The following PTPRM variants were observed in gnomAD, a reference collection of about 807,000 sequenced individuals.
PTPRM encodes the protein protein tyrosine phosphatase receptor type M.
Under a neutral mutation model 186.7 loss-of-function variants are expected in PTPRM, and 47 were observed. The observed-to-expected ratio is 0.25, with a 90% CI of 0.20 to 0.32. The LOEUF (loss-of-function observed/expected upper bound fraction) is 0.32, where lower values mean the gene tolerates loss of function less well. Ranked by LOEUF, PTPRM falls within the 10% of genes least tolerant of loss-of-function variation. The pLI, the probability that PTPRM is intolerant of heterozygous loss-of-function variation, is 1.00. For missense variants in PTPRM, 1,494 were observed against 1,865.0 expected (o/e 0.80, Z 3.66); for synonymous variants, 668 against 674.9 (o/e 0.99, Z 0.16).
Position 8,348,463 on chromosome 18 carries a change from G to A in PTPRM, c.3054+4943G>A, listed in dbSNP as rs1015207017. On this transcript the variant is annotated intron_variant, in intron 23 of 32. Transcript: ENST00000580170. ...CACCATGCCTCCCCTTTTAGCCCACGTGTTCTGGGAAGAGACCCTTGTCAG... is the reference window on the plus strand; with the variant it reads ...CACCATGCCTCCCCTTTTAGCCCACATGTTCTGGGAAGAGACCCTTGTCAG... Among the ~76,000 whole-genome samples, 5 of 152,344 alleles carry A rather than the reference G, an allele frequency of 3.3e-5. No homozygotes were observed. In the East Asian group the frequency reaches 9.6e-4, roughly 29 times the overall value.
chr18:7,683,040 G>A (rs1455004461), intron 1 of PTPRM, among the ~76,000 whole-genome samples: 1 of 152,102 alleles, frequency 6.6e-6, no homozygotes, highest in Non-Finnish European at 1.5e-5. Context: ...CCCTATTTGA[G>A]GTCATGTCCA....
chr18:8,136,016 T>A (rs914330774), intron 13 of PTPRM, among the ~76,000 whole-genome samples: 35 of 152,168 alleles, frequency 2.3e-4, no homozygotes, highest in Non-Finnish European at 1.0e-4. Flanking sequence ...GGAAAAAATG[T>A]TAAGAGGTAA....
At chr18:7,722,505 G>A (rs1286430031) in intron 1 of PTPRM, among the ~76,000 whole-genome samples, 1 of 152,098 alleles carries the variant, frequency 6.6e-6, no homozygotes, top group Non-Finnish European at 1.5e-5. Flanking sequence ...AAGAAAAAAA[G>A]TGAAGCCAGA....
chr18:7,861,605 TAGG>T (rs559659806), intron 2 of PTPRM, among the ~76,000 whole-genome samples: 44 of 152,274 alleles, frequency 2.9e-4, no homozygotes, highest in African/African-American at 9.9e-4. Flanking sequence ...AAGCTTCTGT[TAGG>T]AGGTTTCTAT....
At chr18:8,068,374 G>C (rs1484434984) in intron 7 of PTPRM, among the ~76,000 whole-genome samples, 2 of 152,174 alleles carry the variant, frequency 1.3e-5, no homozygotes, top group African/African-American at 4.8e-5. Flanking sequence ...CTAAAACCCT[G>C]AATGCTGAAT....
chr18:7,996,915 G>A (rs909313011), intron 7 of PTPRM, among the ~76,000 whole-genome samples: 6 of 151,922 alleles, frequency 3.9e-5, no homozygotes, highest in African/African-American at 1.4e-4. Flanking sequence ...GATATTACAT[G>A]TGTATGGATT....
chr18:7,964,867 G>GA (rs1491241758), intron 7 of PTPRM, among the ~76,000 whole-genome samples: 2 of 91,782 alleles, frequency 2.2e-5, no homozygotes, highest in Non-Finnish European at 5.7e-5. Flanking sequence ...TAGTGACCCA[G>GA]GGTCCCTGTT....
At chr18:8,149,796 T>G (rs1471964226) in intron 14 of PTPRM, among the ~76,000 whole-genome samples, 1 of 152,214 alleles carries the variant, frequency 6.6e-6, no homozygotes, top group Non-Finnish European at 1.5e-5. Flanking sequence ...CGGTTGTTCC[T>G]TTTCATGTTT....
At chr18:7,723,048 G>C (rs919605039) in intron 1 of PTPRM, among the ~76,000 whole-genome samples, 1 of 152,200 alleles carries the variant, frequency 6.6e-6, no homozygotes, top group Non-Finnish European at 1.5e-5. Context: ...GTGAACTAGC[G>C]TTTGAAGACC....
chr18:7,670,087 A>G (rs2039185950), intron 1 of PTPRM, among the ~76,000 whole-genome samples: 1 of 152,210 alleles, frequency 6.6e-6, no homozygotes. Flanking sequence ...CACATTTAAA[A>G]AAGTAAAGTT....
intron 9 of PTPRM, among the ~76,000 whole-genome samples, chr18:8,085,292 A>G (rs1375416388): frequency 6.6e-6 from 1 of 152,128 alleles, no homozygotes; most frequent in Non-Finnish European, 1.5e-5. Context: ...CCACTAGATT[A>G]AAGATGAGGC....
chr18:7,570,941 GT>G (rs11312671), intron 1 of PTPRM, among the ~76,000 whole-genome samples: 125,531 of 133,524 alleles, frequency 0.94, 59,052 homozygotes, highest in East Asian at 0.99. Flanking sequence ...AAAATTGTGG[GT>G]TTTTTTTTTT....
intron 19 of PTPRM, among the ~76,000 whole-genome samples, chr18:8,264,640 G>A (rs779084383): frequency 5.9e-5 from 9 of 151,906 alleles, no homozygotes; most frequent in Non-Finnish European, 1.2e-4. Context: ...GTGGTGGTGC[G>A]CACCTGTAGT....
At chr18:8,195,746 A>G (rs2093769462) in intron 14 of PTPRM, among the ~76,000 whole-genome samples, 2 of 152,182 alleles carry the variant, frequency 1.3e-5, no homozygotes, top group Admixed American at 6.5e-5. Flanking sequence ...AGTTAGTGGA[A>G]GAGTGAGCGT....
rs537775826 is a variant in PTPRM at position 8,099,169 on chromosome 18, C to T, written c.1856+10318C>T. On this transcript the variant is annotated intron_variant, in intron 11 of 32. Coordinates refer to ENST00000580170, the MANE Select transcript of PTPRM (RefSeq NM_001105244.2). ...TCTCTCTCTCTCTCTTTCTCTCTCTCTTTCTCTCACTTATTTCCACTCCCC... is the reference window on the plus strand; with the variant it reads ...TCTCTCTCTCTCTCTTTCTCTCTCTTTTTCTCTCACTTATTTCCACTCCCC... 4.0e-5 allele frequency among the ~76,000 whole-genome samples: 6 copies of T among 151,856 alleles called. 1 individual carries two copies. The South Asian group carries it at 1.3e-3, about 32-fold the overall frequency.
intron 22 of PTPRM, among the ~76,000 whole-genome samples, chr18:8,327,180 C>T (rs1227697102): frequency 6.6e-6 from 1 of 152,256 alleles, no homozygotes; most frequent in Non-Finnish European, 1.5e-5. Context: ...GGCCCCACCA[C>T]ATGCCATTGA....
chr18:7,799,686 A>G (rs2043850820), intron 2 of PTPRM, among the ~76,000 whole-genome samples: 1 of 152,052 alleles, frequency 6.6e-6, no homozygotes, highest in Non-Finnish European at 1.5e-5. Context: ...ATATTTTTTG[A>G]TGCAATTATA....
At chr18:7,621,346 C>T (rs2037933063) in intron 1 of PTPRM, among the ~76,000 whole-genome samples, 1 of 152,128 alleles carries the variant, frequency 6.6e-6, no homozygotes, top group South Asian at 2.1e-4. Context: ...ATGTTCACAG[C>T]AGATTTGAGA....
intron 23 of PTPRM, among the ~76,000 whole-genome samples, chr18:8,343,905 A>T (rs1206196138): frequency 6.6e-6 from 1 of 152,128 alleles, no homozygotes; most frequent in South Asian, 2.1e-4. Flanking sequence ...CTCTAGATTC[A>T]ATCCTTAGAT....
Sources: gnomAD v4.1 joint callset for allele counts (sites outside exome capture counted in the v4.1 genomes callset) on GRCh38, gnomAD v4.1.1 for gene constraint, MANE v1.5 for transcripts, NCBI Gene and HGNC (gene_info 2026-07-23, HGNC 2026-07-21) for gene names.